Variants in ESPN observed in about 807,000 individuals in gnomAD.
ESPN encodes the protein autosomal recessive deafness type 36 protein.
In ESPN, 68 loss-of-function variants were observed where a neutral mutation model predicts 77.7. The ratio of observed to expected loss-of-function variants is 0.87; its 90% confidence interval spans 0.72 to 1.07. The LOEUF (loss-of-function observed/expected upper bound fraction) is 1.07. Among genes scored for constraint, ESPN ranks in the 50% least tolerant of loss-of-function variants. The probability of loss-of-function intolerance (pLI) is 0.00; values close to 1 mark genes in which losing one functional copy is unlikely to be tolerated. For missense variants in ESPN, 1,060 were observed against 1,239.0 expected, an observed-to-expected ratio of 0.86 and a Z score of 2.17; for synonymous variants, 449 against 567.1, an observed-to-expected ratio of 0.79 and a Z score of 2.96.
intron 2 of ESPN, 68 bp from the exon 3 acceptor site, chr1:6,440,186 G>A: frequency 6.7e-7 from 1 of 1,496,680 alleles, no homozygotes; most frequent in Middle Eastern, 2.3e-4. Flanking sequence ...GACGGGATGG[G>A]GGCGGGTAAG....
chr1:6,440,870 C>T (rs1391986489), intron 4 of ESPN, 62 bp downstream of exon 4: 1 of 1,529,426 alleles, frequency 6.5e-7, no homozygotes, highest in Non-Finnish European at 8.8e-7. Context: ...TCAGCACGGC[C>T]CTGCCCGGGC....
In ESPN at chr1:6,460,792, C is replaced by G. The variant is rs890547282; in HGVS notation, c.*646C>G. ...TGCGCCCCGTCCCCAGCCAGACCCA[C>G]TCGCTGCCGGGACCCTTTCACTGCC... On this transcript the variant is annotated 3_prime_UTR_variant, in exon 13 of 13. Transcript: ENST00000645284. 1 of 205,542 alleles carries G rather than the reference C, an allele frequency of 4.9e-6. No individual in the cohort carries two copies. Among genetic ancestry groups the G allele is most frequent in the African/African-American group, 2.4e-5 (1 of 42,222 alleles). The allele number at this position is 205,542 out of a possible 1,614,324, so 12.7% of individuals were successfully genotyped here.
At position 6,440,104 on chromosome 1, in the gene ESPN, C is replaced by T. The variant is rs917844688; in HGVS notation, c.489-150C>T. On this transcript the variant is annotated intron_variant, in intron 2 of 12. Coordinates refer to ENST00000645284, the MANE Select transcript of ESPN (RefSeq NM_031475.3). Reference sequence around the variant, plus strand: ...GGCTCAGGACTCAGTCCAGGGGGAGCCCCCCGGGCAGCAGCGGGCCGGTGA... The same window carrying T: ...GGCTCAGGACTCAGTCCAGGGGGAGTCCCCCGGGCAGCAGCGGGCCGGTGA... 19 of 834,438 alleles carry T rather than the reference C, an allele frequency of 2.3e-5. No homozygotes were observed. The African/African-American group carries it at 2.5e-4, about 11-fold the overall frequency. The allele number at this position is 834,438 out of a possible 1,614,324, so 51.7% of individuals were successfully genotyped here.
rs142638391 is a variant in ESPN at position 6,444,594 on chromosome 1, T to G, written c.1104T>G (p.Phe368Leu). The G allele has an allele frequency of 6.5e-4, 1,048 of 1,614,218 alleles. 7 individuals are homozygous for G. In the African/African-American group the frequency reaches 0.012, roughly 19 times the overall value. ...NTTVSVQPLNFDLSSPTSTLS... is the reference protein window; with the variant it reads ...NTTVSVQPLNLDLSSPTSTLS... ...CGGTGTCGGTCCAGCCGCTGAACTTTGACCTCAGCTCGCCTACCAGCACCC... is the reference window on the plus strand; with the variant it reads ...CGGTGTCGGTCCAGCCGCTGAACTTGGACCTCAGCTCGCCTACCAGCACCC... Residue 368 changes from phenylalanine to leucine, a missense_variant, in exon 6 of 13, where the codon TTT becomes TTG. Coordinates refer to ENST00000645284, the MANE Select transcript of ESPN (RefSeq NM_031475.3).
intron 1 of ESPN, among the ~76,000 whole-genome samples, chr1:6,425,949 CTCTTG>C (rs780965407): frequency 2.0e-5 from 3 of 152,244 alleles, no homozygotes; most frequent in Non-Finnish European, 2.9e-5. Context: ...GGCATGCACG[CTCTTG>C]TCCTGTCGGA....
intron 12 of ESPN, 125 bp from the exon 13 acceptor site, chr1:6,459,874 C>A: frequency 8.4e-7 from 1 of 1,190,158 alleles, no homozygotes; most frequent in South Asian, 1.3e-5. Context: ...GAGCCCCAGC[C>A]CTCAGTAACC....
intron 5 of ESPN, among the ~76,000 whole-genome samples, chr1:6,442,589 G>C (rs1462645505): frequency 7.3e-6 from 1 of 137,628 alleles, no homozygotes; most frequent in Non-Finnish European, 1.5e-5. Flanking sequence ...AAAAAAAAAG[G>C]CTGGGCACGG....
At chr1:6,459,949 GTATC>G (rs1644127642) in intron 12 of ESPN, 46 bp from the exon 13 acceptor site, 1 of 1,611,040 alleles carries the variant, frequency 6.2e-7, no homozygotes. Flanking sequence ...GCCAGCCTGG[GTATC>G]TGGCCCCAGA....
intron 2 of ESPN, among the ~76,000 whole-genome samples, chr1:6,432,255 G>A (rs1033840481): frequency 6.6e-6 from 1 of 152,212 alleles, no homozygotes; most frequent in Non-Finnish European, 1.5e-5. Flanking sequence ...AAGGCTGGAG[G>A]CTGTGCCTGG....
intron 3 of ESPN, 80 bp downstream of exon 3, chr1:6,440,520 A>AG: frequency 4.2e-6 from 1 of 236,568 alleles, no homozygotes; most frequent in Non-Finnish European, 5.3e-6. Flanking sequence ...CGGGGCCATC[A>AG]GGGGTGGGGC....
chr1:6,457,035 G>C, intron 10 of ESPN, 149 bp from the exon 11 acceptor site: 2 of 790,964 alleles, frequency 2.5e-6, no homozygotes, highest in Admixed American at 2.1e-5. Flanking sequence ...CTCTGAGGGG[G>C]TGTGACCAGG....
chr1:6,435,193 C>T (rs1051600687), intron 2 of ESPN, among the ~76,000 whole-genome samples: 5 of 152,006 alleles, frequency 3.3e-5, no homozygotes, highest in African/African-American at 1.2e-4. Context: ...ACCATAGGCT[C>T]GGTGAATTTC....
At chr1:6,445,985 A>T (rs2148528093) in intron 7 of ESPN, 50 bp downstream of exon 7, 2 of 1,592,108 alleles carry the variant, frequency 1.3e-6, no homozygotes, top group Middle Eastern at 3.4e-4. Flanking sequence ...GACTGGGCTG[A>T]TGGGGGCCAG....
intron 1 of ESPN, 148 bp downstream of exon 1, chr1:6,425,397 A>G: frequency 9.4e-7 from 1 of 1,059,558 alleles, no homozygotes; most frequent in Non-Finnish European, 1.4e-6. Context: ...AGAGGCCCTC[A>G]AGTGAATGGG....
chr1:6,444,390 C>T (rs572542658), intron 5 of ESPN, 91 bp from the exon 6 acceptor site: 32 of 1,319,872 alleles, frequency 2.4e-5, no homozygotes, highest in African/African-American at 2.3e-4. Context: ...CAAGATCCCA[C>T]AGCGAAGGCA....
chr1:6,444,611 C>G lies in ESPN; in HGVS notation c.1121C>G (p.Thr374Ser). ...QPLNFDLSSP[T>S]STLSNYDSCS... ...CTGAACTTTGACCTCAGCTCGCCTA[C>G]CAGCACCCTCTCCAACTACGACTCC... Residue 374 changes from threonine (T) to serine (S), a missense_variant, in exon 6 of 13, where the codon ACC becomes AGC. By Grantham distance (58) the Thr-to-Ser change is moderately conservative. Transcript: ENST00000645284. 6.2e-7 allele frequency: 1 copy of G among 1,614,194 alleles called. No homozygotes were observed. The highest frequency in any genetic ancestry group is 2.2e-5 in the East Asian group (1 of 44,880).
At chr1:6,444,741 C>T in intron 6 of ESPN, 59 bp downstream of exon 6, 2 of 1,601,764 alleles carry the variant, frequency 1.2e-6, no homozygotes, top group Non-Finnish European at 1.7e-6. Flanking sequence ...GACTGCTGGG[C>T]TGTGAGGATT....
At chr1:6,441,157 C>T in intron 5 of ESPN, 92 bp downstream of exon 5, 2 of 1,533,040 alleles carry the variant, frequency 1.3e-6, no homozygotes, top group Non-Finnish European at 1.8e-6. Flanking sequence ...AAGGAGGAAG[C>T]TGAGGTTCAG....
At chr1:6,454,103 G>GC (rs1177245362) in intron 10 of ESPN, among the ~76,000 whole-genome samples, 1 of 152,188 alleles carries the variant, frequency 6.6e-6, no homozygotes, top group East Asian at 1.9e-4. Flanking sequence ...AACGCCTTTC[G>GC]CAAGTTCCTT....
Sources: gnomAD v4.1 joint callset for allele counts (sites outside exome capture counted in the v4.1 genomes callset) on GRCh38, gnomAD v4.1.1 for gene constraint, MANE v1.5 for transcripts, NCBI Gene and HGNC (gene_info 2026-07-23, HGNC 2026-07-21) for gene names.